The following TANGO6 variants were observed in gnomAD, a reference collection of about 807,000 sequenced individuals.
The protein encoded by TANGO6 is transport and golgi organization 6 homolog, also known as transport and Golgi organization protein 6 homolog.
Under a neutral mutation model 114.2 loss-of-function variants are expected in TANGO6, and 90 were observed. That is an observed-to-expected ratio of 0.79 (90% CI 0.66 to 0.94). TANGO6 has a LOEUF of 0.94. TANGO6 is among the 40% of genes least tolerant of loss of function. The pLI, the probability that TANGO6 is intolerant of heterozygous loss-of-function variation, is 0.00. For synonymous variants in TANGO6, 477 were observed against 509.8 expected (o/e 0.94, Z 0.87); for missense variants, 1,274 against 1,315.3 (o/e 0.97, Z 0.49).
At chr16:68,886,237 C>G (rs968901622) in intron 7 of TANGO6, among the ~76,000 whole-genome samples, 6 of 150,334 alleles carry the variant, frequency 4.0e-5, no homozygotes, top group Non-Finnish European at 8.9e-5. Flanking sequence ...TTTTCTGAGA[C>G]AGAGTCTTGC....
intron 17 of TANGO6, among the ~76,000 whole-genome samples, chr16:69,051,501 G>A (rs1258235726): frequency 2.0e-5 from 3 of 152,126 alleles, no homozygotes; most frequent in African/African-American, 7.2e-5. Flanking sequence ...TGGCCAACAT[G>A]GTGAAACCCT....
intron 7 of TANGO6, among the ~76,000 whole-genome samples, chr16:68,890,625 A>G (rs1352021531): frequency 6.6e-6 from 1 of 152,234 alleles, no homozygotes; most frequent in Admixed American, 6.5e-5. Flanking sequence ...GCTCACGCCT[A>G]TAATCCCAGC....
chr16:69,048,258 A>ATTTTTTTTTTTTTTTTTTTTTTTTT (rs71383949), intron 17 of TANGO6, among the ~76,000 whole-genome samples: 1 of 111,664 alleles, frequency 9.0e-6, no homozygotes, highest in African/African-American at 3.9e-5. Flanking sequence ...AATTTTTTGT[A>ATTTTTTTTTTTTTTTTTTTTTTTTT]TTTTTTTTTT....
chr16:68,890,730 CA>C (rs2152175833), intron 7 of TANGO6, among the ~76,000 whole-genome samples: 1 of 151,500 alleles, frequency 6.6e-6, no homozygotes. Flanking sequence ...ACTAAAAATG[CA>C]AAAATTAGGC....
intron 14 of TANGO6, among the ~76,000 whole-genome samples, chr16:68,973,446 C>T (rs957150054): frequency 2.6e-5 from 4 of 152,120 alleles, no homozygotes; most frequent in South Asian, 2.1e-4. Context: ...GGTCATCTCT[C>T]ACCTCCCTGC....
At chr16:68,908,961 A>G (rs895916525) in intron 10 of TANGO6, among the ~76,000 whole-genome samples, 8 of 152,202 alleles carry the variant, frequency 5.3e-5, no homozygotes, top group African/African-American at 1.9e-4. Flanking sequence ...TTTGAGATCT[A>G]TCTATATTGA....
At chr16:68,844,181 G>A (rs1251568598) in intron 1 of TANGO6, among the ~76,000 whole-genome samples, 1 of 152,134 alleles carries the variant, frequency 6.6e-6, no homozygotes, top group Non-Finnish European at 1.5e-5. Context: ...ATGGGTTTGG[G>A]GAGAGTATTT....
chr16:69,030,425 TA>T lies in TANGO6; in HGVS notation c.2994+7453del, dbSNP rs549272638. Among the ~76,000 whole-genome samples, 7 of 151,568 alleles carry T rather than the reference TA, an allele frequency of 4.6e-5. No individual in the cohort carries two copies. The East Asian group carries it at 1.4e-3, about 30-fold the overall frequency. ...AGAGAACAAGTAGAAATTAAGCAGG[TA>T]AAAAAAGGCAGAGGTGAGCATTTCA... On this transcript the variant is annotated intron_variant, in intron 16 of 17. Transcript: ENST00000261778.
chr16:68,874,812 T>G (rs887267505), intron 4 of TANGO6, among the ~76,000 whole-genome samples: 3 of 151,996 alleles, frequency 2.0e-5, no homozygotes, highest in African/African-American at 7.2e-5. Context: ...TACCTGGGCA[T>G]GGTGGTGTAT....
chr16:68,866,935 C>CTAAA (rs1962186861), intron 3 of TANGO6, 144 bp from the exon 4 acceptor site: 1 of 848,616 alleles, frequency 1.2e-6, no homozygotes, highest in African/African-American at 1.8e-5. Flanking sequence ...AACTCCATCT[C>CTAAA]TAAATAAATA....
At chr16:68,986,554 C>T (rs1275944480) in intron 15 of TANGO6, among the ~76,000 whole-genome samples, 2 of 151,968 alleles carry the variant, frequency 1.3e-5, no homozygotes, top group Non-Finnish European at 2.9e-5. Flanking sequence ...ATCACATGGC[C>T]CCAGGTCTCT....
intron 17 of TANGO6, among the ~76,000 whole-genome samples, chr16:69,059,843 G>A (rs72789212): frequency 2.8e-3 from 419 of 152,294 alleles, no homozygotes; most frequent in Non-Finnish European, 4.6e-3. Context: ...TGCTAAGTCT[G>A]GTCCCGACTA....
intron 15 of TANGO6, among the ~76,000 whole-genome samples, chr16:69,011,478 G>A (rs1964143339): frequency 1.3e-5 from 2 of 149,116 alleles, no homozygotes; most frequent in African/African-American, 2.5e-5. Flanking sequence ...TTTGGAAAAA[G>A]GGTCTTGCTG....
At chr16:69,004,355 CTT>C (rs796509463) in intron 15 of TANGO6, among the ~76,000 whole-genome samples, 2 of 144,674 alleles carry the variant, frequency 1.4e-5, no homozygotes, top group Admixed American at 6.9e-5. Flanking sequence ...TATTTCTTTT[CTT>C]TTTTTTTTTT....
At chr16:68,871,138 T>G (rs967083672) in intron 4 of TANGO6, among the ~76,000 whole-genome samples, 19 of 152,132 alleles carry the variant, frequency 1.2e-4, no homozygotes, top group Non-Finnish European at 4.4e-5. Flanking sequence ...GTCTAGTTCA[T>G]CTTCCTTTTT....
At chr16:68,901,982 G>T (rs1203689213) in intron 8 of TANGO6, among the ~76,000 whole-genome samples, 4 of 149,500 alleles carry the variant, frequency 2.7e-5, no homozygotes, top group African/African-American at 9.9e-5. Context: ...GAGAGTAGAT[G>T]ATTTTTATCC....
chr16:68,999,948 C>T (rs1964024691), intron 15 of TANGO6, among the ~76,000 whole-genome samples: 1 of 152,208 alleles, frequency 6.6e-6, no homozygotes, highest in African/African-American at 2.4e-5. Context: ...GAGTGCTTGT[C>T]AGAGTCCTGT....
chr16:69,059,644 C>T (rs773319591), intron 17 of TANGO6, among the ~76,000 whole-genome samples: 5 of 152,008 alleles, frequency 3.3e-5, no homozygotes, highest in Non-Finnish European at 7.4e-5. Flanking sequence ...CTCAGCCTCC[C>T]GAGTAGCTGG....
chr16:69,078,131 C>G (rs1456168657), intron 17 of TANGO6, among the ~76,000 whole-genome samples: 1 of 152,132 alleles, frequency 6.6e-6, no homozygotes, highest in Non-Finnish European at 1.5e-5. Context: ...GCCTCCCAGG[C>G]TGAGGGACTA....
Sources: gnomAD v4.1 joint callset for allele counts (sites outside exome capture counted in the v4.1 genomes callset) on GRCh38, gnomAD v4.1.1 for gene constraint, MANE v1.5 for transcripts, NCBI Gene and HGNC (gene_info 2026-07-23, HGNC 2026-07-21) for gene names.